The following MACROD2 variants were observed in gnomAD, a reference collection of about 807,000 sequenced individuals.
MACROD2 encodes the protein mono-ADP ribosylhydrolase 2.
MACROD2 carries 36 observed loss-of-function variants against 70.4 expected under a neutral mutation model. The ratio of observed to expected loss-of-function variants is 0.51; its 90% confidence interval spans 0.39 to 0.68. MACROD2 has a LOEUF of 0.68. Ranked by LOEUF, MACROD2 falls within the 30% of genes least tolerant of loss-of-function variation. MACROD2 has a pLI of 0.00. For synonymous variants in MACROD2, 172 were observed against 178.8 expected, an observed-to-expected ratio of 0.96 and a Z score of 0.30; for missense variants, 496 against 538.4, an observed-to-expected ratio of 0.92 and a Z score of 0.78.
intron 8 of MACROD2, among the ~76,000 whole-genome samples, chr20:15,784,224 T>C (rs1010725894): frequency 2.8e-4 from 43 of 152,144 alleles, no homozygotes; most frequent in African/African-American, 9.6e-4. Flanking sequence ...CGCATGTGTA[T>C]TGAGAACCAC....
At chr20:14,369,592 T>C (rs2083303948) in intron 3 of MACROD2, among the ~76,000 whole-genome samples, 1 of 152,240 alleles carries the variant, frequency 6.6e-6, no homozygotes, top group Non-Finnish European at 1.5e-5. Flanking sequence ...GAACACAAGC[T>C]CTTGGAGCTA....
intron 5 of MACROD2, among the ~76,000 whole-genome samples, chr20:15,206,747 T>TTTTTTTTTTTTTTTTTTTTTAA (rs2076710188): frequency 8.7e-6 from 1 of 114,920 alleles, no homozygotes; most frequent in Non-Finnish European, 1.8e-5. Flanking sequence ...TTTTTTTTTT[T>TTTTTTTTTTTTTTTTTTTTTAA]GAGACGGAGT....
intron 6 of MACROD2, among the ~76,000 whole-genome samples, chr20:15,309,371 G>C (rs2077729337): frequency 6.6e-6 from 1 of 152,138 alleles, no homozygotes; most frequent in African/African-American, 2.4e-5. Context: ...GGGAAAGGCA[G>C]GACTTAATTA....
intron 6 of MACROD2, among the ~76,000 whole-genome samples, chr20:15,346,838 G>A (rs577665506): frequency 6.6e-6 from 1 of 152,194 alleles, no homozygotes; most frequent in African/African-American, 2.4e-5. Context: ...GTCCAGCAGA[G>A]ATGGAAACCT....
intron 2 of MACROD2, among the ~76,000 whole-genome samples, chr20:14,005,966 A>C (rs1471110420): frequency 1.3e-5 from 2 of 152,224 alleles, no homozygotes; most frequent in African/African-American, 4.8e-5. Context: ...CATGTGCCAC[A>C]AAATGATGTT....
intron 1 of MACROD2, chr20:13,996,179 C>T (rs1400999600): frequency 1.2e-5 from 3 of 257,488 alleles, no homozygotes; most frequent in Admixed American, 5.9e-5. Context: ...TGGGCACTGC[C>T]GGCCTGGGTG....
chr20:15,070,760 A>G (rs1432508689), intron 5 of MACROD2, among the ~76,000 whole-genome samples: 4 of 152,156 alleles, frequency 2.6e-5, no homozygotes, highest in Middle Eastern at 3.2e-3. Context: ...CTGCAGAACC[A>G]TGAGCCAAAG....
intron 3 of MACROD2, among the ~76,000 whole-genome samples, chr20:14,422,410 A>C (rs1425410925): frequency 6.6e-6 from 1 of 152,210 alleles, no homozygotes; most frequent in Non-Finnish European, 1.5e-5. Flanking sequence ...TTACACTTAA[A>C]GTCACTACTG....
At chr20:15,601,539 G>A (rs920893515) in intron 8 of MACROD2, among the ~76,000 whole-genome samples, 4 of 152,320 alleles carry the variant, frequency 2.6e-5, no homozygotes, top group East Asian at 3.9e-4. Flanking sequence ...TTTATTGGAT[G>A]TTGACACTCA....
At chr20:14,131,813 T>G (rs1260532199) in intron 3 of MACROD2, among the ~76,000 whole-genome samples, 1 of 152,024 alleles carries the variant, frequency 6.6e-6, no homozygotes, top group Admixed American at 6.5e-5. Flanking sequence ...CTGCAGCCTT[T>G]GGTTTAAGAG....
intron 5 of MACROD2, among the ~76,000 whole-genome samples, chr20:15,027,395 C>T (rs2075240153): frequency 1.3e-5 from 2 of 152,042 alleles, no homozygotes; most frequent in East Asian, 1.9e-4. Flanking sequence ...GAAACAGCTA[C>T]CATGTTTCAA....
At chr20:14,507,134 GTTA>G (rs2084977751) in intron 4 of MACROD2, among the ~76,000 whole-genome samples, 1 of 152,150 alleles carries the variant, frequency 6.6e-6, no homozygotes. Context: ...GGAATAGGGA[GTTA>G]TTATTTAATG....
At chr20:14,642,696 A>G (rs1359672525) in intron 4 of MACROD2, among the ~76,000 whole-genome samples, 2 of 152,200 alleles carry the variant, frequency 1.3e-5, no homozygotes, top group African/African-American at 2.4e-5. Flanking sequence ...AGAACACACA[A>G]TATTTATCAA....
intron 5 of MACROD2, among the ~76,000 whole-genome samples, chr20:14,777,464 C>G (rs2072248138): frequency 6.6e-6 from 1 of 151,922 alleles, no homozygotes; most frequent in African/African-American, 2.4e-5. Context: ...GAACCATGTA[C>G]CTCTGCTGCT....
chr20:14,261,834 A>G (rs1277151150), intron 3 of MACROD2, among the ~76,000 whole-genome samples: 1 of 152,184 alleles, frequency 6.6e-6, no homozygotes, highest in African/African-American at 2.4e-5. Context: ...CAAGCCATGT[A>G]ATCAAAGTCT....
intron 3 of MACROD2, among the ~76,000 whole-genome samples, chr20:14,473,139 T>A (rs895642794): frequency 9.2e-5 from 14 of 152,218 alleles, no homozygotes; most frequent in African/African-American, 3.4e-4. Flanking sequence ...TTATTATATC[T>A]TTGTGGTGAG....
At chr20:15,050,856 A>G (rs1357194371) in intron 5 of MACROD2, among the ~76,000 whole-genome samples, 1 of 152,082 alleles carries the variant, frequency 6.6e-6, no homozygotes, top group African/African-American at 2.4e-5. Context: ...TTATACATAT[A>G]TGTAAATTAG....
intron 12 of MACROD2, among the ~76,000 whole-genome samples, chr20:15,964,380 A>C (rs1296853456): frequency 1.3e-5 from 2 of 152,064 alleles, no homozygotes; most frequent in Admixed American, 6.6e-5. Context: ...GGTTCCTTCT[A>C]ACTGTGTCCT....
chr20:14,421,481 A>G (rs1266504701), intron 3 of MACROD2, among the ~76,000 whole-genome samples: 1 of 152,148 alleles, frequency 6.6e-6, no homozygotes, highest in East Asian at 1.9e-4. Flanking sequence ...TATTTCATCT[A>G]GATTACTCAG....
Sources: gnomAD v4.1 joint callset for allele counts (sites outside exome capture counted in the v4.1 genomes callset) on GRCh38, gnomAD v4.1.1 for gene constraint, MANE v1.5 for transcripts, NCBI Gene and HGNC (gene_info 2026-07-23, HGNC 2026-07-21) for gene names.